Variants in ZFPM2 observed in about 807,000 individuals in gnomAD.
ZFPM2 encodes the protein zinc finger protein, FOG family member 2.
In ZFPM2, 20 loss-of-function variants were observed where a neutral mutation model predicts 98.6. The ratio of observed to expected loss-of-function variants is 0.20; its 90% CI spans 0.14 to 0.29. ZFPM2 has a LOEUF of 0.29. ZFPM2 is among the 10% of genes least tolerant of loss of function. The probability of loss-of-function intolerance (pLI) is 1.00; values close to 1 mark genes in which losing one functional copy is unlikely to be tolerated. For synonymous variants in ZFPM2, 518 were observed against 502.7 expected (o/e 1.03, Z -0.41); for missense variants, 1,310 against 1,388.6 (o/e 0.94, Z 0.90).
chr8:105,763,055 TC>T (rs1554579360), intron 5 of ZFPM2, among the ~76,000 whole-genome samples: 9 of 143,864 alleles, frequency 6.3e-5, no homozygotes, highest in African/African-American at 1.9e-4. Flanking sequence ...TGACTTTATT[TC>T]TTTCTTTTTT....
intron 3 of ZFPM2, among the ~76,000 whole-genome samples, chr8:105,521,404 G>A (rs1814057063): frequency 1.7e-5 from 1 of 60,364 alleles, no homozygotes; most frequent in Admixed American, 1.4e-4. Context: ...TATATTAAGG[G>A]GGGAGGGGGG....
chr8:105,504,691 C>G (rs557117053), intron 3 of ZFPM2, among the ~76,000 whole-genome samples: 1 of 151,660 alleles, frequency 6.6e-6, no homozygotes, highest in Non-Finnish European at 1.5e-5. Flanking sequence ...AGATTTAGCA[C>G]GTTAACTTGT....
Position 105,803,441 on chromosome 8 carries a change from A to G in ZFPM2, c.3359A>G (p.Tyr1120Cys). The change falls in exon 8 of 8, where the codon TAT becomes TGT. Residue 1120 changes from tyrosine to cysteine, a missense_variant. Physicochemically the swap from Tyr to Cys is radical, Grantham distance 194 (BLOSUM62 -2). Coordinates refer to ENST00000407775, the MANE Select transcript of ZFPM2 (RefSeq NM_012082.4). ...AGCCAGGCTCCAACCAGTGGGAAAT[A>G]TTGCCGGCTATGTGATATCCAGTTC... ...GSSQAPTSGK[Y>C]CRLCDIQFNN... The G allele has an allele frequency of 3.7e-6, 6 of 1,613,836 alleles. No homozygotes were observed. Among genetic ancestry groups the G allele is most frequent in the Non-Finnish European group, 5.1e-6 (6 of 1,179,798 alleles).
intron 3 of ZFPM2, among the ~76,000 whole-genome samples, chr8:105,485,084 T>TTA (rs2130402564): frequency 6.6e-6 from 1 of 152,282 alleles, no homozygotes; most frequent in East Asian, 1.9e-4. Flanking sequence ...CCTGGTAACT[T>TTA]TATACATTGG....
chr8:105,419,275 G>C lies in ZFPM2; in HGVS notation c.172G>C (p.Glu58Gln). 1 of 1,613,462 alleles carries C rather than the reference G, an allele frequency of 6.2e-7. No homozygotes were observed. The highest frequency in any genetic ancestry group is 1.3e-5 in the African/African-American group (1 of 75,032). Residue 58 changes from glutamate (E) to glutamine (Q), a missense_variant, in exon 2 of 8, where the codon GAA becomes CAA. By Grantham distance (29) the Glu-to-Gln change is conservative. Coordinates refer to ENST00000407775, the MANE Select transcript of ZFPM2 (RefSeq NM_012082.4). The part of the protein sequence containing the change: ...TEFGPENLSC[E>Q]EVEYFCNKGD... ...ATTTGGGCCTGAAAATCTGAGCTGC[G>C]AAGAAGTGGAATACTTTTGTAACAA... is the stretch of plus-strand genomic sequence containing the variant.
chr8:105,798,885 C>T lies in ZFPM2; in HGVS notation c.901C>T (p.Pro301Ser). ...TCAGATTTCCAGCCTGTGCCCCTTC[C>T]CACAGTGCACCAAGAGCTTTTCAAA... ...AHQISSLCPF[P>S]QCTKSFSNAR... Residue 301 changes from proline (P) to serine (S), a missense_variant, in exon 7 of 8, where the codon CCA becomes TCA. Coordinates refer to ENST00000407775, the MANE Select transcript of ZFPM2 (RefSeq NM_012082.4). The T allele has an allele frequency of 6.2e-7, 1 of 1,613,938 alleles. No individual in the cohort carries two copies. Among genetic ancestry groups the T allele is most frequent in the African/African-American group, 1.3e-5 (1 of 75,012 alleles).
intron 5 of ZFPM2, among the ~76,000 whole-genome samples, chr8:105,766,774 A>T (rs2131082610): frequency 6.6e-6 from 1 of 151,916 alleles, no homozygotes; most frequent in Middle Eastern, 3.4e-3. Flanking sequence ...TCAGAAGATG[A>T]TTGCTAGACC....
intron 3 of ZFPM2, among the ~76,000 whole-genome samples, chr8:105,513,950 G>A (rs1452127609): frequency 1.3e-5 from 2 of 151,548 alleles, no homozygotes; most frequent in Non-Finnish European, 2.9e-5. Flanking sequence ...GGTTGAAAAC[G>A]TGGATTTTTG....
chr8:105,463,190 T>A (rs555368699), intron 3 of ZFPM2, among the ~76,000 whole-genome samples: 1 of 152,148 alleles, frequency 6.6e-6, no homozygotes, highest in African/African-American at 2.4e-5. Flanking sequence ...AGCCAGTGTT[T>A]GCAAGTCTGC....
At chr8:105,561,545 A>T in intron 4 of ZFPM2, 64 bp downstream of exon 4, 1 of 1,259,104 alleles carries the variant, frequency 7.9e-7, no homozygotes, top group African/African-American at 1.5e-5. Context: ...GCCATAGCTC[A>T]GAAATTCTCT....
At chr8:105,691,634 A>G (rs561759837) in intron 5 of ZFPM2, among the ~76,000 whole-genome samples, 2 of 152,178 alleles carry the variant, frequency 1.3e-5, no homozygotes, top group African/African-American at 4.8e-5. Flanking sequence ...TTTTATCATA[A>G]TGTTTTGTTT....
rs776316965 is a variant in ZFPM2 at position 105,624,085 on chromosome 8, A to G, written c.421-10161A>G. Reference sequence around the variant, plus strand: ...ATGAAACTGTAGTACATATGAGGTCATCTTAACAGAGAAGGAAGCTGAGAC... The same window carrying G: ...ATGAAACTGTAGTACATATGAGGTCGTCTTAACAGAGAAGGAAGCTGAGAC... On this transcript the variant is annotated intron_variant, in intron 4 of 7. Transcript: ENST00000407775. Among the ~76,000 whole-genome samples the G allele has an allele frequency of 5.3e-5, 8 of 152,172 alleles. No individual in the cohort carries two copies. The South Asian group carries it at 6.2e-4, about 12-fold the overall frequency.
chr8:105,658,586 CAAAA>C (rs773181953), intron 5 of ZFPM2, among the ~76,000 whole-genome samples: 4 of 7,906 alleles, frequency 5.1e-4, no homozygotes, highest in East Asian at 3.6e-3. Context: ...GACTCCGTCT[CAAAA>C]AAAAAAAAAA....
intron 5 of ZFPM2, among the ~76,000 whole-genome samples, chr8:105,666,089 T>C (rs1319660363): frequency 6.6e-6 from 1 of 152,174 alleles, no homozygotes; most frequent in East Asian, 1.9e-4. Flanking sequence ...ATCATCAATC[T>C]TTGCATCTAT....
intron 5 of ZFPM2, among the ~76,000 whole-genome samples, chr8:105,683,869 G>T (rs533314911): frequency 5.4e-4 from 82 of 152,170 alleles, no homozygotes; most frequent in South Asian, 3.7e-3. Context: ...GCTCTCCGTT[G>T]TCAAAGACTG....
chr8:105,779,288 A>G (rs928078865), intron 5 of ZFPM2, among the ~76,000 whole-genome samples: 6 of 152,158 alleles, frequency 3.9e-5, no homozygotes, highest in African/African-American at 1.2e-4. Context: ...TTTGCTATAT[A>G]TTTTTATGCT....
chr8:105,373,265 C>T (rs2129825672), intron 1 of ZFPM2, among the ~76,000 whole-genome samples: 1 of 152,360 alleles, frequency 6.6e-6, no homozygotes, highest in East Asian at 1.9e-4. Context: ...CAACCATTCA[C>T]TGAACCTTCA....
In ZFPM2 at chr8:105,803,649, C is replaced by T. The variant is rs971101227; in HGVS notation, c.*111C>T. On this transcript the variant is annotated 3_prime_UTR_variant, in exon 8 of 8. Coordinates refer to ENST00000407775, the MANE Select transcript of ZFPM2 (RefSeq NM_012082.4). The stretch of plus-strand genomic sequence containing the variant: ...ACATCTGGGCAATCAGGAGATAATT[C>T]ATTATGGCTGAGTTGAAGACTTAAG... The T allele has an allele frequency of 9.3e-7, 1 of 1,078,718 alleles. No homozygotes were observed. The highest frequency in any genetic ancestry group is 1.6e-5 in the African/African-American group (1 of 63,050). 66.8% of individuals were successfully genotyped at this position (1,078,718 alleles called of 1,614,324 possible).
At chr8:105,404,549 T>G (rs1441867986) in intron 1 of ZFPM2, among the ~76,000 whole-genome samples, 1 of 152,232 alleles carries the variant, frequency 6.6e-6, no homozygotes, top group East Asian at 1.9e-4. Flanking sequence ...TGTGCAGTTC[T>G]TAAGTACTTT....
Sources: gnomAD v4.1 joint callset for allele counts (sites outside exome capture counted in the v4.1 genomes callset) on GRCh38, gnomAD v4.1.1 for gene constraint, MANE v1.5 for transcripts, NCBI Gene and HGNC (gene_info 2026-07-23, HGNC 2026-07-21) for gene names.